The following CSMD2 variants were observed in gnomAD, a reference collection of about 807,000 sequenced individuals.
CSMD2 encodes the protein CUB and Sushi multiple domains 2.
CSMD2 carries 130 observed loss-of-function variants against 398.5 expected under a neutral mutation model. The ratio of observed to expected loss-of-function variants is 0.33; its 90% CI spans 0.28 to 0.38. CSMD2 has a LOEUF of 0.38. Among genes scored for constraint, CSMD2 ranks in the 10% least tolerant of loss-of-function variants. The probability of loss-of-function intolerance (pLI) is 1.00; values close to 1 mark genes in which losing one functional copy is unlikely to be tolerated. For missense variants in CSMD2, 3,829 were observed against 4,764.9 expected, an observed-to-expected ratio of 0.80 and a Z score of 5.78; for synonymous variants, 1,828 against 1,908.5, an observed-to-expected ratio of 0.96 and a Z score of 1.10.
intron 28 of CSMD2, among the ~76,000 whole-genome samples, chr1:33,649,791 G>C (rs1643656483): frequency 6.6e-6 from 1 of 152,216 alleles, no homozygotes; most frequent in Admixed American, 6.5e-5. Flanking sequence ...TTGAGATTGA[G>C]AGTAAAATGA....
intron 9 of CSMD2, among the ~76,000 whole-genome samples, chr1:33,811,336 A>G (rs1656846413): frequency 6.6e-6 from 1 of 152,174 alleles, no homozygotes; most frequent in Non-Finnish European, 1.5e-5. Context: ...AATGCTGCTT[A>G]ACTAGGAGTC....
chr1:33,757,028 A>G (rs1649122894), intron 13 of CSMD2, among the ~76,000 whole-genome samples: 1 of 152,076 alleles, frequency 6.6e-6, no homozygotes, highest in African/African-American at 2.4e-5. Flanking sequence ...GAAACTGGAA[A>G]TCATCATTCT....
intron 2 of CSMD2, among the ~76,000 whole-genome samples, chr1:34,084,148 C>T (rs1315282878): frequency 6.6e-6 from 1 of 152,094 alleles, no homozygotes; most frequent in African/African-American, 2.4e-5. Flanking sequence ...GGCTGGTTGG[C>T]CAGGAATGCT....
chr1:34,113,986 C>A (rs560044055), intron 1 of CSMD2, among the ~76,000 whole-genome samples: 60 of 152,238 alleles, frequency 3.9e-4, no homozygotes, highest in Non-Finnish European at 7.5e-4. Flanking sequence ...TTCTGTCTCA[C>A]CTGACAGAAA....
intron 6 of CSMD2, among the ~76,000 whole-genome samples, chr1:33,841,553 T>A (rs977937395): frequency 6.6e-6 from 1 of 152,178 alleles, no homozygotes; most frequent in Non-Finnish European, 1.5e-5. Context: ...AGAAAGGTTC[T>A]TCTCACCATC....
At position 34,012,139 on chromosome 1, in the gene CSMD2, C is replaced by T. The variant is rs567164626; in HGVS notation, c.517+20455G>A. Among the ~76,000 whole-genome samples the T allele has an allele frequency of 2.0e-5, 3 of 152,248 alleles. No individual in the cohort carries two copies. In the South Asian group the frequency reaches 6.2e-4, roughly 32 times the overall value. ...TGTGGCCCCACAGCCTCTCCGATTC[C>T]ACCATCTATGCCTCTCTCCCCACCC... On this transcript the variant is annotated intron_variant, in intron 3 of 70. Coordinates refer to ENST00000373381, the MANE Select transcript of CSMD2 (RefSeq NM_001281956.2).
At chr1:33,528,844 A>G (rs1274528869) in intron 64 of CSMD2, among the ~76,000 whole-genome samples, 1 of 152,264 alleles carries the variant, frequency 6.6e-6, no homozygotes, top group Non-Finnish European at 1.5e-5. Flanking sequence ...CAAGACTTGT[A>G]CACTGAAAAA....
intron 10 of CSMD2, among the ~76,000 whole-genome samples, chr1:33,802,457 C>T (rs1235509012): frequency 2.0e-5 from 3 of 152,186 alleles, no homozygotes; most frequent in African/African-American, 4.8e-5. Context: ...CTTAGCCATT[C>T]CCACACCACA....
intron 2 of CSMD2, among the ~76,000 whole-genome samples, chr1:34,047,958 A>AT (rs1355395112): frequency 2.0e-5 from 3 of 152,200 alleles, no homozygotes; most frequent in South Asian, 2.1e-4. Flanking sequence ...AAGAGAGGGG[A>AT]TTTTTCTGGA....
chr1:33,801,120 T>C (rs1655555369), intron 10 of CSMD2, among the ~76,000 whole-genome samples: 1 of 152,126 alleles, frequency 6.6e-6, no homozygotes, highest in Non-Finnish European at 1.5e-5. Flanking sequence ...CAAAACGCTG[T>C]TATCTTTGCT....
At chr1:33,910,787 A>G (rs1445163403) in intron 5 of CSMD2, among the ~76,000 whole-genome samples, 1 of 152,208 alleles carries the variant, frequency 6.6e-6, no homozygotes, top group African/African-American at 2.4e-5. Flanking sequence ...CACACAAGAG[A>G]GCAAAGCCTT....
intron 5 of CSMD2, among the ~76,000 whole-genome samples, chr1:33,908,988 G>GGA (rs1210544179): frequency 6.6e-6 from 1 of 152,216 alleles, no homozygotes; most frequent in Non-Finnish European, 1.5e-5. Flanking sequence ...TGTCAAGGAA[G>GGA]GAGAGAGAAG....
chr1:33,789,358 A>G (rs77346516), intron 11 of CSMD2, among the ~76,000 whole-genome samples: 4,699 of 152,288 alleles, frequency 0.031, 234 homozygotes, highest in African/African-American at 0.11. Context: ...AAGATACTGC[A>G]CTTATCAATT....
chr1:33,587,705 G>A (rs1174066767), intron 44 of CSMD2, among the ~76,000 whole-genome samples: 2 of 152,208 alleles, frequency 1.3e-5, no homozygotes, highest in African/African-American at 4.8e-5. Flanking sequence ...CAGCTGACAA[G>A]CTGACCCTTC....
intron 3 of CSMD2, among the ~76,000 whole-genome samples, chr1:33,983,072 G>A (rs1452487482): frequency 6.6e-6 from 1 of 152,156 alleles, no homozygotes; most frequent in South Asian, 2.1e-4. Flanking sequence ...GTTACAGGAA[G>A]AGCCTGATTG....
In CSMD2 at chr1:33,829,703, G is replaced by T. The variant is rs185472888; in HGVS notation, c.1034-3929C>A. ...CCGTGCATGAGCCAAAGCAGGGTGA[G>T]GCATTGCCTCACTCGGGAAGTGCAA... On this transcript the variant is annotated intron_variant, in intron 6 of 70. Transcript: ENST00000373381. Among the ~76,000 whole-genome samples the T allele has an allele frequency of 9.1e-4, 139 of 152,348 alleles. 2 individuals carry two copies. Among genetic ancestry groups the T allele is most frequent in the Non-Finnish European group, 8.4e-4 (57 of 68,040 alleles).
Position 33,535,311 on chromosome 1 carries a change from T to G in CSMD2, c.9880-1404A>C, listed in dbSNP as rs115390215. On this transcript the variant is annotated intron_variant, in intron 62 of 70. Coordinates refer to ENST00000373381, the MANE Select transcript of CSMD2 (RefSeq NM_001281956.2). ...ACACCCCTCCGTAGTAATGGCTGTC[T>G]TGAAATTTGTGTTAATTTCCTTGCC... Among the ~76,000 whole-genome samples, 865 of 152,354 alleles carry G rather than the reference T, an allele frequency of 5.7e-3. 14 individuals carry two copies. The highest frequency in any genetic ancestry group is 0.019 in the African/African-American group (809 of 41,582).
intron 21 of CSMD2, among the ~76,000 whole-genome samples, chr1:33,709,841 A>C (rs1645926275): frequency 6.6e-6 from 1 of 152,126 alleles, no homozygotes; most frequent in Admixed American, 6.5e-5. Context: ...ATAAGGAACC[A>C]GGTACTCAAC....
intron 1 of CSMD2, among the ~76,000 whole-genome samples, chr1:34,144,878 C>A (rs1639624082): frequency 6.6e-6 from 1 of 152,220 alleles, no homozygotes; most frequent in Non-Finnish European, 1.5e-5. Context: ...ACAGAAACTG[C>A]ATTTAACCGC....
Sources: allele counts gnomAD v4.1 joint callset (sites outside exome capture counted in the v4.1 genomes callset), GRCh38; gene constraint gnomAD v4.1.1; transcripts MANE v1.5; gene names NCBI Gene and HGNC (gene_info 2026-07-23, HGNC 2026-07-21).